The following ZNF638 variants were observed in gnomAD, a reference collection of about 807,000 sequenced individuals.
ZNF638 encodes the protein zinc finger protein 638, also known as CTCL tumor antigen se33-1.
A neutral mutation model predicts 195.6 loss-of-function variants in ZNF638; 46 were observed. That is an observed-to-expected ratio of 0.24 (90% CI 0.19 to 0.30). The LOEUF (loss-of-function observed/expected upper bound fraction) is 0.30, where lower values mean the gene tolerates loss of function less well. Ranked by LOEUF, ZNF638 falls within the 10% of genes least tolerant of loss-of-function variation. The pLI, the probability that ZNF638 is intolerant of heterozygous loss-of-function variation, is 1.00. For missense variants in ZNF638, 2,440 were observed against 2,325.3 expected (o/e 1.05, Z -1.01); for synonymous variants, 845 against 772.0 (o/e 1.09, Z -1.57).
At chr2:71,428,852 C>G (rs948235441) in intron 25 of ZNF638, 1 of 422,978 alleles carries the variant, frequency 2.4e-6, no homozygotes, top group Non-Finnish European at 4.3e-6. Flanking sequence ...TAGAATGTGA[C>G]AGATTAGAGG....
At chr2:71,380,458 T>G (rs2104351388) in intron 9 of ZNF638, 55 bp from the exon 10 acceptor site, 1 of 1,476,658 alleles carries the variant, frequency 6.8e-7, no homozygotes. Flanking sequence ...TTTTTAGGAT[T>G]TTGTAGAACT....
chr2:71,393,260 A>G, intron 10 of ZNF638: 1 of 605,310 alleles, frequency 1.7e-6, no homozygotes, highest in South Asian at 2.1e-5. Flanking sequence ...AACTATAGAA[A>G]AGCACCTTGC....
rs1270652592 is a variant in ZNF638, at chr2:71,423,798, T to C, written c.4284T>C (p.Ala1428=). The change falls in exon 22 of 28, where the codon GCT becomes GCC. Residue 1428 remains alanine, a synonymous_variant. Transcript: ENST00000264447. The part of the protein sequence containing the change: ...PKSVPRDQIN[A]EKKLSAKEFG... ...CTGTGCCCAGAGATCAAATAAATGC[T>C]GAAAAGAAACTTTCAGCCAAGGAAT... is the stretch of plus-strand genomic sequence containing the variant. 1.2e-6 allele frequency: 2 copies of C among 1,614,000 alleles called. No individual in the cohort carries two copies. The highest frequency in any genetic ancestry group is 1.7e-6 in the Non-Finnish European group (2 of 1,179,994).
chr2:71,341,503 AC>A (rs1283079190), intron 1 of ZNF638, among the ~76,000 whole-genome samples: 1 of 152,122 alleles, frequency 6.6e-6, no homozygotes, highest in Non-Finnish European at 1.5e-5. Context: ...AGTAGATGAA[AC>A]TATACCAGAG....
At chr2:71,376,726 T>C (rs1057299350) in intron 8 of ZNF638, among the ~76,000 whole-genome samples, 2 of 149,536 alleles carry the variant, frequency 1.3e-5, no homozygotes, top group East Asian at 3.9e-4. Flanking sequence ...GTAAAAAAAA[T>C]CCTATATCCC....
rs1219296930 is a variant in ZNF638, at chr2:71,368,458, A to G, written c.2072A>G (p.Glu691Gly). 6.2e-7 allele frequency: 1 copy of G among 1,613,710 alleles called. No homozygotes were observed. The highest frequency in any genetic ancestry group is 2.2e-5 in the East Asian group (1 of 44,752). ...TTACCAGAGGATGGTTGTACTGAAG[A>G]AGATGTGAGAAAATTATTTCAACCA... ...TELPEDGCTEEDVRKLFQPFG... is the reference protein window; with the variant it reads ...TELPEDGCTEGDVRKLFQPFG... Residue 691 changes from glutamate to glycine, a missense_variant, in exon 7 of 28, where the codon GAA becomes GGA. By Grantham distance (98) the Glu-to-Gly change is moderately conservative. Around this residue, in one of 5 missense-constraint regions of ZNF638, gnomAD observed 1,883 missense variants for 1,739.1 expected, o/e 1.08. Transcript: ENST00000264447.
At position 71,423,901 on chromosome 2, in the gene ZNF638, C is replaced by T. The variant is rs2080480950; in HGVS notation, c.4387C>T (p.Leu1463Phe). Residue 1463 changes from leucine to phenylalanine, a missense_variant, in exon 22 of 28, where the codon CTT becomes TTT. Transcript: ENST00000264447. ...SSKFKPTQSSLTRGGSGRISA... is the reference protein window; with the variant it reads ...SSKFKPTQSSFTRGGSGRISA... ...TAAATTCAAACCTACTCAGAGCAGT[C>T]TTACCAGAGGAGGCAGTGGAAGGAT... is the stretch of plus-strand genomic sequence containing the variant. The T allele has an allele frequency of 1.2e-6, 2 of 1,614,048 alleles. No homozygotes were observed. The highest frequency in any genetic ancestry group is 1.3e-5 in the African/African-American group (1 of 75,024).
At chr2:71,404,478 G>A (rs527970424) in intron 17 of ZNF638, among the ~76,000 whole-genome samples, 29 of 152,280 alleles carry the variant, frequency 1.9e-4, no homozygotes, top group Non-Finnish European at 2.5e-4. Context: ...GAGAGGCTGA[G>A]GTGGGAGGAC....
At chr2:71,395,740 C>G in intron 10 of ZNF638, 1 of 388,798 alleles carries the variant, frequency 2.6e-6, no homozygotes, top group South Asian at 2.3e-5. Flanking sequence ...GTCCCCTAGC[C>G]GCACTCATGC....
At chr2:71,380,351 A>C (rs2079514057) in intron 9 of ZNF638, 71 bp downstream of exon 9, 2 of 1,234,430 alleles carry the variant, frequency 1.6e-6, no homozygotes, top group African/African-American at 1.6e-5. Context: ...AATTTTTAAA[A>C]CCGCATTTTA....
rs1031848795 is a variant in ZNF638, at chr2:71,331,839, C to T, written c.-239C>T. On this transcript the variant is annotated 5_prime_UTR_variant, in exon 1 of 28. Transcript: ENST00000264447. Reference sequence around the variant, plus strand: ...AGGCTGAGTGCTAAACTGTGTGGGGCGCGGATGGGATCCAGCTGTTAGTCG... The same window carrying T: ...AGGCTGAGTGCTAAACTGTGTGGGGTGCGGATGGGATCCAGCTGTTAGTCG... The T allele has an allele frequency of 2.0e-6, 2 of 986,178 alleles. No homozygotes were observed. The highest frequency in any genetic ancestry group is 9.4e-5 in the South Asian group (2 of 21,296). The allele number at this position is 986,178 out of a possible 1,614,324, so 61.1% of individuals were successfully genotyped here.
intron 10 of ZNF638, among the ~76,000 whole-genome samples, chr2:71,389,256 C>A (rs1198176174): frequency 6.6e-6 from 1 of 152,166 alleles, no homozygotes; most frequent in Admixed American, 6.5e-5. Context: ...CTGTCTTAGG[C>A]AAGTGGCATT....
intron 21 of ZNF638, among the ~76,000 whole-genome samples, chr2:71,421,318 C>G (rs1283432131): frequency 6.6e-6 from 1 of 151,390 alleles, no homozygotes; most frequent in Non-Finnish European, 1.5e-5. Context: ...ATTTGAAACT[C>G]TTAAAATTAG....
rs758071270 is a variant in ZNF638, at chr2:71,368,415, GTTC to G, written c.2035_2037del (p.Leu679del). The G allele has an allele frequency of 1.7e-5, 27 of 1,613,078 alleles. 1 individual carries two copies. The highest frequency in any genetic ancestry group is 1.4e-4 in the South Asian group (13 of 90,944). On this transcript the variant is annotated inframe_deletion, in exon 7 of 28. Coordinates refer to ENST00000264447, the MANE Select transcript of ZNF638 (RefSeq NM_014497.5). ...AGAACAGTCATTGCATTATGGTTCG[GTTC>G]TTCTTATAACTGAATTACCAGAGGA...
rs1332679716 is a variant in ZNF638, at chr2:71,406,147, A to G, written c.3020A>G (p.Tyr1007Cys). Residue 1007 changes from tyrosine to cysteine, a missense_variant, in exon 19 of 28, where the codon TAT (tyrosine) becomes TGT (cysteine). Around this residue, in one of 5 missense-constraint regions of ZNF638, gnomAD observed 1,883 missense variants for 1,739.1 expected, o/e 1.08. Transcript: ENST00000264447. ...NDPEANIDTI[Y>C]DRFVHLDNLP... ...CTACAGGCAAACATAGATACAATTTATGATCGATTTGTACATCTTGATAAT... is the reference window on the plus strand; with the variant it reads ...CTACAGGCAAACATAGATACAATTTGTGATCGATTTGTACATCTTGATAAT... 1.9e-6 allele frequency: 3 copies of G among 1,613,710 alleles called. No individual in the cohort carries two copies. Among genetic ancestry groups the G allele is most frequent in the South Asian group, 1.1e-5 (1 of 91,068 alleles).
intron 10 of ZNF638, among the ~76,000 whole-genome samples, chr2:71,390,738 C>T (rs780478279): frequency 1.6e-4 from 24 of 151,982 alleles, no homozygotes; most frequent in Non-Finnish European, 3.1e-4. Context: ...GTGAATATTT[C>T]GATTATTAGT....
At position 71,348,922 on chromosome 2, in the gene ZNF638, AC is replaced by A. The variant is rs756033721; in HGVS notation, c.-32del. The A allele has an allele frequency of 6.2e-6, 10 of 1,614,058 alleles. No homozygotes were observed. The South Asian group carries it at 1.1e-4, about 18-fold the overall frequency. ...CTCACATGGTTCAACACCACCTTATACTTTATTAAATCAGGCTTTCTTGAAA... is the reference window on the plus strand; with the variant it reads ...CTCACATGGTTCAACACCACCTTATATTTATTAAATCAGGCTTTCTTGAAA... On this transcript the variant is annotated 5_prime_UTR_variant, in exon 2 of 28. An upstream open reading frame in the 5' UTR loses its in-frame stop. Transcript: ENST00000264447.
chr2:71,393,281 C>T lies in ZNF638; in HGVS notation c.2378-2860C>T, dbSNP rs1159356211. On this transcript the variant is annotated intron_variant, in intron 10 of 27. Transcript: ENST00000264447. ...AGAAAAGCACCTTGCTAAAACCTCT[C>T]AAGACATAAAACCCGCAGTTTTATG... 29 of 620,800 alleles carry T rather than the reference C, an allele frequency of 4.7e-5. No homozygotes were observed. The South Asian group carries it at 5.2e-4, about 11-fold the overall frequency. 38.5% of individuals were successfully genotyped at this position (620,800 alleles called of 1,614,324 possible).
intron 6 of ZNF638, 101 bp from the exon 7 acceptor site, chr2:71,368,281 G>C (rs2079242315): frequency 9.1e-7 from 1 of 1,098,716 alleles, no homozygotes; most frequent in Non-Finnish European, 1.3e-6. Context: ...AGACCCTTTA[G>C]TGTACTAATA....
Sources: allele counts gnomAD v4.1 joint callset (sites outside exome capture counted in the v4.1 genomes callset), GRCh38; gene constraint gnomAD v4.1.1; regional missense constraint gnomAD v4.1.1; transcripts MANE v1.5; gene names NCBI Gene and HGNC (gene_info 2026-07-23, HGNC 2026-07-21).